Variants in HES7 observed in about 807,000 individuals in gnomAD.
The protein encoded by HES7 is hes family bHLH transcription factor 7, also known as transcription factor HES-7.
HES7 carries 8 observed loss-of-function variants against 18.0 expected under a neutral mutation model. The ratio of observed to expected loss-of-function variants is 0.45; its 90% confidence interval spans 0.26 to 0.80. HES7 has a LOEUF of 0.80. HES7 is among the 30% of genes least tolerant of loss of function. The pLI is 0.18. For synonymous variants in HES7, 170 were observed against 158.6 expected (o/e 1.07, Z -0.54); for missense variants, 356 against 340.9 (o/e 1.04, Z -0.35).
At position 8,122,267 on chromosome 17, in the gene HES7, C is replaced by G. The variant is rs1482275733; in HGVS notation, c.226+76G>C. On this transcript the variant is annotated intron_variant, in intron 3 of 3. Coordinates refer to ENST00000541682, the MANE Select transcript of HES7 (RefSeq NM_001165967.2). The surrounding 1 kb of genome is among the most constrained non-coding windows in gnomAD (Gnocchi z 6.9). ...CCCAAGCCCACCATCCACCGCAGGG[C>G]CCGCCCACTCTGCCCCGGCCGGAGC... The G allele has an allele frequency of 7.7e-7, 1 of 1,299,910 alleles. No individual in the cohort carries two copies. The highest frequency in any genetic ancestry group is 1.5e-5 in the African/African-American group (1 of 67,878). 80.5% of individuals were successfully genotyped at this position (1,299,910 alleles called of 1,614,324 possible).
At position 8,122,340 on chromosome 17, in the gene HES7, T is replaced by C. The variant is rs778723999; in HGVS notation, c.226+3A>G. 37 of 1,566,716 alleles carry C rather than the reference T, an allele frequency of 2.4e-5. No homozygotes were observed. Among genetic ancestry groups the C allele is most frequent in the Non-Finnish European group, 3.1e-5 (36 of 1,149,940 alleles). On this transcript the variant is annotated splice_donor_region_variant and intron_variant, in intron 3 of 3. Coordinates refer to ENST00000541682, the MANE Select transcript of HES7 (RefSeq NM_001165967.2). The surrounding 1 kb of genome is among the most constrained non-coding windows in gnomAD (Gnocchi z 6.9). The stretch of plus-strand genomic sequence containing the variant: ...CCTCCGCTGCCCCACCCCCGCGCTG[T>C]ACCCGGGGGCTCCACCCGGCTTCGC...
chr17:8,124,213 C>T, upstream of HES7: 2 of 1,069,852 alleles, frequency 1.9e-6, no homozygotes, highest in Non-Finnish European at 2.8e-6. Context: ...CTCTAGGACC[C>T]GGCACGAGGC....
Position 8,123,587 on chromosome 17 carries a change from G to T in HES7, c.42+456C>A. ...CCCTCCAGGCCTTCACCTTCTCCAC[G>T]GTTCTCCTAAAATCTTCCACCAGTC... is the stretch of plus-strand genomic sequence containing the variant. On this transcript the variant is annotated intron_variant, in intron 1 of 3. Coordinates refer to ENST00000541682, the MANE Select transcript of HES7 (RefSeq NM_001165967.2). This position sits in a 1 kb window ranked among gnomAD's most constrained non-coding sequence, Gnocchi z 5.9. 3.3e-6 allele frequency: 1 copy of T among 305,126 alleles called. No individual in the cohort carries two copies. The highest frequency in any genetic ancestry group is 2.2e-5 in the African/African-American group (1 of 46,374). The allele number at this position is 305,126 out of a possible 1,614,324, so 18.9% of individuals were successfully genotyped here.
rs1234263226 is a variant in HES7 at position 8,121,646 on chromosome 17, C to T, written c.618G>A (p.Pro206=). ...APLTGLLPPP[P]PPHRQDGAPK... ...GCGCCCCGTCTTGTCTGTGAGGCGG[C>T]GGTGGCGGCGGCAGCAGTCCGGTGA... The change falls in exon 4 of 4, where the codon CCG becomes CCA. Residue 206 remains proline, a synonymous_variant. Transcript: ENST00000541682. 4.4e-5 allele frequency: 58 copies of T among 1,319,854 alleles called. No homozygotes were observed. The highest frequency in any genetic ancestry group is 5.4e-5 in the Non-Finnish European group (56 of 1,042,456). 81.8% of individuals were successfully genotyped at this position (1,319,854 alleles called of 1,614,324 possible). A position where few individuals can be genotyped will look rare whatever the true frequency, so the allele number is the denominator to read the frequency against.
upstream of HES7, among the ~76,000 whole-genome samples, chr17:8,125,597 G>A (rs539296079): frequency 2.0e-4 from 31 of 152,322 alleles, 2 homozygotes; most frequent in South Asian, 6.4e-3. Flanking sequence ...ATGGCCCGGT[G>A]GCCGGATCCG....
upstream of HES7, chr17:8,124,124 C>T: frequency 6.2e-7 from 1 of 1,613,626 alleles, no homozygotes; most frequent in South Asian, 1.1e-5. Flanking sequence ...CCCTGCTCGC[C>T]TGGAGCCTTA....
At position 8,124,038 on chromosome 17, in the gene HES7, C is replaced by T; in HGVS notation, c.42+5G>A. ...ACCTCTGCTCCCTCCCCTCCCGCCT[C>T]TCACCTTGGGGCCGTCCCTATTCTC... is the stretch of plus-strand genomic sequence containing the variant. On this transcript the variant is annotated splice_donor_5th_base_variant and intron_variant, in intron 1 of 3. Transcript: ENST00000541682. 6.2e-7 allele frequency: 1 copy of T among 1,614,052 alleles called. No individual in the cohort carries two copies. Among genetic ancestry groups the T allele is most frequent in the South Asian group, 1.1e-5 (1 of 91,084 alleles).
Position 8,121,110 on chromosome 17 carries a change from T to G in HES7, c.*461A>C, listed in dbSNP as rs1981294379. 6.4e-6 allele frequency: 1 copy of G among 156,488 alleles called. No homozygotes were observed. The highest frequency in any genetic ancestry group is 2.4e-5 in the African/African-American group (1 of 41,562). The allele number at this position is 156,488 out of a possible 1,614,324, so 9.7% of individuals were successfully genotyped here. ...TCTCTCTTTCCACCTGGTTTCAATT[T>G]CGATCTCAGTTCCCGCTCTGCTCTC... On this transcript the variant is annotated 3_prime_UTR_variant, in exon 4 of 4. Transcript: ENST00000541682.
chr17:8,121,927 G>T lies in HES7; in HGVS notation c.337C>A (p.His113Asn). The change falls in exon 4 of 4, where the codon CAC becomes AAC. Residue 113 changes from histidine to asparagine, a missense_variant. Physicochemically the swap from His to Asn is moderately conservative, Grantham distance 68. Transcript: ENST00000541682. ...GCGCGGGCGGCCGGGCTGGCGTCGT[G>T]CGCGAAGGCCGCCAAGCGAAGCAGG... Reference protein sequence around the residue: ...ECLLRLAAFAHDASPAARAQL... With the variant: ...ECLLRLAAFANDASPAARAQL... The T allele has an allele frequency of 1.3e-6, 2 of 1,563,820 alleles. No individual in the cohort carries two copies. The highest frequency in any genetic ancestry group is 2.4e-5 in the East Asian group (1 of 41,830).
At chr17:8,125,800 G>C (rs1024454104), upstream of HES7, among the ~76,000 whole-genome samples, 2 of 152,204 alleles carry the variant, frequency 1.3e-5, no homozygotes, top group East Asian at 3.8e-4. Flanking sequence ...GCCCGGGTTC[G>C]ATTCCCGGCC....
upstream of HES7, among the ~76,000 whole-genome samples, chr17:8,124,446 C>A (rs564033972): frequency 6.6e-6 from 1 of 152,230 alleles, no homozygotes; most frequent in African/African-American, 2.4e-5. Context: ...CTTACTGTAC[C>A]CTCACTAACC....
At chr17:8,125,176 T>C (rs1040099200), upstream of HES7, among the ~76,000 whole-genome samples, 1 of 151,934 alleles carries the variant, frequency 6.6e-6, no homozygotes, top group African/African-American at 2.4e-5. Context: ...AATCAGAAAC[T>C]GAAGGGAACA....
At position 8,123,933 on chromosome 17, in the gene HES7, C is replaced by A. The variant is rs1228515596; in HGVS notation, c.42+110G>T. On this transcript the variant is annotated intron_variant, in intron 1 of 3. Coordinates refer to ENST00000541682, the MANE Select transcript of HES7 (RefSeq NM_001165967.2). This position sits in a 1 kb window ranked among gnomAD's most constrained non-coding sequence, Gnocchi z 5.9. Reference sequence around the variant, plus strand: ...TCTGGCTCCTGGAGTTCTGGAGCACCGCTCCCCTTCCACCCCTGCGTCCCC... The same window carrying A: ...TCTGGCTCCTGGAGTTCTGGAGCACAGCTCCCCTTCCACCCCTGCGTCCCC... The A allele has an allele frequency of 3.3e-6, 4 of 1,228,216 alleles. No homozygotes were observed. The Admixed American group carries it at 5.6e-5, about 17-fold the overall frequency. The allele number at this position is 1,228,216 out of a possible 1,614,324, so 76.1% of individuals were successfully genotyped here.
upstream of HES7, among the ~76,000 whole-genome samples, chr17:8,126,613 G>A (rs1047590869): frequency 6.6e-6 from 1 of 152,098 alleles, no homozygotes; most frequent in South Asian, 2.1e-4. Flanking sequence ...AGCCACCTGC[G>A]GCGACCACTT....
chr17:8,121,622 C>T lies in HES7; in HGVS notation c.642G>A (p.Ala214=). ...PPPPPHRQDG[A]PKAPLPPPPA... Reference sequence around the variant, plus strand: ...GCGGCGGGGGCAGCGGGGCCTTGGGCGCCCCGTCTTGTCTGTGAGGCGGCG... The same window carrying T: ...GCGGCGGGGGCAGCGGGGCCTTGGGTGCCCCGTCTTGTCTGTGAGGCGGCG... The change falls in exon 4 of 4, where the codon GCG becomes GCA. Residue 214 remains alanine, a synonymous_variant. Transcript: ENST00000541682. 7.6e-7 allele frequency: 1 copy of T among 1,313,300 alleles called. No homozygotes were observed. Among genetic ancestry groups the T allele is most frequent in the Non-Finnish European group, 9.6e-7 (1 of 1,038,658 alleles). The allele number at this position is 1,313,300 out of a possible 1,614,324, so 81.4% of individuals were successfully genotyped here. A position where few individuals can be genotyped will look rare whatever the true frequency, so the allele number is the denominator to read the frequency against.
chr17:8,122,330 C>A lies in HES7; in HGVS notation c.226+13G>T. 6.4e-7 allele frequency: 1 copy of A among 1,572,776 alleles called. No individual in the cohort carries two copies. The highest frequency in any genetic ancestry group is 8.6e-7 in the Non-Finnish European group (1 of 1,158,158). On this transcript the variant is annotated intron_variant, in intron 3 of 3. Coordinates refer to ENST00000541682, the MANE Select transcript of HES7 (RefSeq NM_001165967.2). This position sits in a 1 kb window ranked among gnomAD's most constrained non-coding sequence, Gnocchi z 6.9. ...CCCCTCCCTCCCTCCGCTGCCCCACCCCCGCGCTGTACCCGGGGGCTCCAC... is the reference window on the plus strand; with the variant it reads ...CCCCTCCCTCCCTCCGCTGCCCCACACCCGCGCTGTACCCGGGGGCTCCAC...
chr17:8,124,711 G>T (rs1434223525), upstream of HES7, among the ~76,000 whole-genome samples: 2 of 152,164 alleles, frequency 1.3e-5, no homozygotes, highest in Admixed American at 1.3e-4. Context: ...AGTGAGATAC[G>T]CAGGAGAGAC....
upstream of HES7, among the ~76,000 whole-genome samples, chr17:8,124,508 T>C (rs1176267056): frequency 6.6e-6 from 1 of 152,188 alleles, no homozygotes; most frequent in Non-Finnish European, 1.5e-5. Context: ...TTATACATCA[T>C]CTCCGAAGTT....
upstream of HES7, among the ~76,000 whole-genome samples, chr17:8,124,715 G>A (rs1981530311): frequency 6.6e-6 from 1 of 152,180 alleles, no homozygotes; most frequent in East Asian, 1.9e-4. Flanking sequence ...AGATACGCAG[G>A]AGAGACCCAG....
Sources: allele counts gnomAD v4.1 joint callset (sites outside exome capture counted in the v4.1 genomes callset), GRCh38; gene constraint gnomAD v4.1.1; non-coding constraint Gnocchi (gnomAD v3.1); transcripts MANE v1.5; gene names NCBI Gene and HGNC (gene_info 2026-07-23, HGNC 2026-07-21).